Variants in NR6A1 observed in about 807,000 individuals in gnomAD.
NR6A1 encodes the protein nuclear receptor subfamily 6 group A member 1, also known as retinoic acid receptor-related testis-associated receptor.
In NR6A1, 7 loss-of-function variants were observed where a neutral mutation model predicts 59.1. That is an observed-to-expected ratio of 0.12 (90% CI 0.07 to 0.22). NR6A1 has a LOEUF of 0.22. NR6A1 is among the 10% of genes least tolerant of loss of function. The pLI is 1.00. For synonymous variants in NR6A1, 243 were observed against 236.1 expected (o/e 1.03, Z -0.27); for missense variants, 468 against 611.6 (o/e 0.77, Z 2.48).
intron 2 of NR6A1, among the ~76,000 whole-genome samples, chr9:124,592,127 T>TA (rs1204281347): frequency 6.6e-6 from 1 of 152,174 alleles, no homozygotes; most frequent in Admixed American, 6.5e-5. Flanking sequence ...CTCATTGTAT[T>TA]AAGGATGCTA....
intron 2 of NR6A1, among the ~76,000 whole-genome samples, chr9:124,597,974 G>A (rs1166577572): frequency 1.3e-5 from 2 of 152,026 alleles, no homozygotes; most frequent in African/African-American, 4.8e-5. Flanking sequence ...CACGTAGCTG[G>A]GACTACAGGG....
At chr9:124,529,973 A>G (rs975582790) in intron 7 of NR6A1, among the ~76,000 whole-genome samples, 1 of 152,220 alleles carries the variant, frequency 6.6e-6, no homozygotes, top group African/African-American at 2.4e-5. Context: ...CAGTGTCAGC[A>G]TCTGTCTGGT....
intron 2 of NR6A1, among the ~76,000 whole-genome samples, chr9:124,606,273 G>C (rs1280116937): frequency 6.6e-6 from 1 of 152,090 alleles, no homozygotes; most frequent in Non-Finnish European, 1.5e-5. Flanking sequence ...ACTCTTCCCT[G>C]CCCTAAAGGT....
At chr9:124,685,554 T>C (rs757726521) in intron 2 of NR6A1, among the ~76,000 whole-genome samples, 1 of 152,184 alleles carries the variant, frequency 6.6e-6, no homozygotes, top group Non-Finnish European at 1.5e-5. Flanking sequence ...GGTCTCAAAC[T>C]CCTGGGCCCA....
intron 7 of NR6A1, among the ~76,000 whole-genome samples, chr9:124,528,733 A>AAACC (rs112777211): frequency 2.0e-5 from 3 of 152,012 alleles, no homozygotes; most frequent in African/African-American, 4.8e-5. Context: ...ACCAAAAACC[A>AAACC]AACCAACCAA....
intron 2 of NR6A1, among the ~76,000 whole-genome samples, chr9:124,637,892 C>CAAAAAAAA (rs796714741): frequency 2.5e-5 from 2 of 78,964 alleles, no homozygotes; most frequent in Non-Finnish European, 5.0e-5. Context: ...ACTCCCTCTC[C>CAAAAAAAA]AAAAAAAAAA....
At chr9:124,548,164 TAAAAC>T (rs933725100) in intron 3 of NR6A1, among the ~76,000 whole-genome samples, 1 of 150,752 alleles carries the variant, frequency 6.6e-6, no homozygotes, top group Non-Finnish European at 1.5e-5. Flanking sequence ...GGGAAAATAA[TAAAAC>T]AAATAGCATG....
At chr9:124,704,354 C>T (rs1387038735) in intron 2 of NR6A1, among the ~76,000 whole-genome samples, 10 of 152,138 alleles carry the variant, frequency 6.6e-5, no homozygotes, top group Non-Finnish European at 1.5e-4. Flanking sequence ...CTTTCCATTT[C>T]GTTGTTTTCC....
intron 2 of NR6A1, among the ~76,000 whole-genome samples, chr9:124,657,231 T>C (rs1390889876): frequency 6.6e-6 from 1 of 152,174 alleles, no homozygotes. Flanking sequence ...GTAGTCCTCA[T>C]ATGGAAGGTG....
intron 2 of NR6A1, among the ~76,000 whole-genome samples, chr9:124,563,620 T>C (rs987952176): frequency 2.0e-5 from 3 of 152,272 alleles, no homozygotes; most frequent in African/African-American, 7.2e-5. Flanking sequence ...TTTGTTACAC[T>C]GAATCACTCA....
rs115467809 is a variant in NR6A1 at position 124,529,031 on chromosome 9, C to G, written c.1080-2131G>C. Among the ~76,000 whole-genome samples the G allele has an allele frequency of 5.3e-3, 800 of 152,312 alleles. 7 individuals carry two copies. The highest frequency in any genetic ancestry group is 0.018 in the African/African-American group (752 of 41,588). ...TGCACATGCAATCTGGAACGTTGAC[C>G]TTCGGCCTTGGCATGGCTCCTAGTA... On this transcript the variant is annotated intron_variant, in intron 7 of 9. Transcript: ENST00000487099.
rs556918240 is a variant in NR6A1, at chr9:124,707,665, AGTT to A, written c.142+25640_142+25642del. Among the ~76,000 whole-genome samples the A allele has an allele frequency of 3.0e-3, 463 of 152,158 alleles. 2 individuals are homozygous for A. Among genetic ancestry groups the A allele is most frequent in the African/African-American group, 0.011 (443 of 41,518 alleles). On this transcript the variant is annotated intron_variant, in intron 2 of 9. Transcript: ENST00000487099. ...CCCACTAAGGTTGGTGGTGATGATG[AGTT>A]GTTTTTTGTTTTGTTTACTAACTTT...
At chr9:124,661,726 A>G (rs76640257) in intron 2 of NR6A1, among the ~76,000 whole-genome samples, 2,711 of 152,324 alleles carry the variant, frequency 0.018, 80 homozygotes, top group African/African-American at 0.061. Flanking sequence ...ATCAGTTACT[A>G]TCCCAAAGTG....
chr9:124,680,551 G>A (rs1838117897), intron 2 of NR6A1, among the ~76,000 whole-genome samples: 1 of 152,154 alleles, frequency 6.6e-6, no homozygotes, highest in Non-Finnish European at 1.5e-5. Context: ...AGCATTGATA[G>A]ATCAACCTTT....
At chr9:124,617,553 G>A (rs1400609770) in intron 2 of NR6A1, among the ~76,000 whole-genome samples, 2 of 152,086 alleles carry the variant, frequency 1.3e-5, no homozygotes, top group African/African-American at 4.8e-5. Flanking sequence ...AAGTCTTAGG[G>A]CTGGGTTATG....
chr9:124,650,659 A>C (rs2130920651), intron 2 of NR6A1, among the ~76,000 whole-genome samples: 1 of 152,358 alleles, frequency 6.6e-6, no homozygotes, highest in Middle Eastern at 3.4e-3. Flanking sequence ...CAATTTGATC[A>C]TTACACATTG....
At chr9:124,551,046 T>C (rs1474605725) in intron 3 of NR6A1, among the ~76,000 whole-genome samples, 1 of 152,198 alleles carries the variant, frequency 6.6e-6, no homozygotes, top group East Asian at 1.9e-4. Flanking sequence ...ATGCTTCCTT[T>C]CTTTTTTTAG....
intron 2 of NR6A1, among the ~76,000 whole-genome samples, chr9:124,571,448 A>G (rs1174476673): frequency 6.6e-6 from 1 of 152,192 alleles, no homozygotes; most frequent in Non-Finnish European, 1.5e-5. Flanking sequence ...GCCCACACCA[A>G]TCTTTTCTTT....
chr9:124,560,250 CA>C (rs926032682), intron 2 of NR6A1, among the ~76,000 whole-genome samples: 5 of 152,170 alleles, frequency 3.3e-5, no homozygotes, highest in African/African-American at 1.2e-4. Context: ...TTTCTTATTC[CA>C]TTCTTGGGAA....
Sources: gnomAD v4.1 joint callset for allele counts (sites outside exome capture counted in the v4.1 genomes callset) on GRCh38, gnomAD v4.1.1 for gene constraint, MANE v1.5 for transcripts, NCBI Gene and HGNC (gene_info 2026-07-23, HGNC 2026-07-21) for gene names.